The following NOTCH4 variants were observed in gnomAD, a reference collection of about 807,000 sequenced individuals.
The protein encoded by NOTCH4 is notch receptor 4.
Under a neutral mutation model 189.0 loss-of-function variants are expected in NOTCH4, and 138 were observed. That is an observed-to-expected ratio of 0.73 (90% CI 0.64 to 0.84). The LOEUF is 0.84. Among genes scored for constraint, NOTCH4 ranks in the 40% least tolerant of loss-of-function variants. NOTCH4 has a pLI of 0.00. For missense variants in NOTCH4, 2,286 were observed against 2,605.4 expected (o/e 0.88, Z 2.67); for synonymous variants, 942 against 1,032.8 (o/e 0.91, Z 1.69).
intron 28 of NOTCH4, among the ~76,000 whole-genome samples, chr6:32,196,690 C>G (rs371720441): frequency 7.2e-5 from 11 of 152,016 alleles, no homozygotes; most frequent in Non-Finnish European, 1.2e-4. Context: ...TTTCCACAGA[C>G]ACTGTGTTCC....
Position 32,220,398 on chromosome 6 carries a change from C to T in NOTCH4, c.1159+7G>A, listed in dbSNP as rs376526093. On this transcript the variant is annotated splice_region_variant and intron_variant, in intron 6 of 29. Coordinates refer to ENST00000375023, the MANE Select transcript of NOTCH4 (RefSeq NM_004557.4). The stretch of plus-strand genomic sequence containing the variant: ...CTCCCACCTCCTGATACCCTCTACC[C>T]CCATACCTGTGCGTCCAGGTGGGCA... The T allele has an allele frequency of 2.9e-5, 46 of 1,613,758 alleles. No homozygotes were observed. Among genetic ancestry groups the T allele is most frequent in the Non-Finnish European group, 3.7e-5 (44 of 1,179,758 alleles).
Position 32,215,342 on chromosome 6 carries a change from C to G in NOTCH4, c.1905G>C (p.Gln635His), listed in dbSNP as rs544284667. The G allele has an allele frequency of 1.2e-5, 20 of 1,610,898 alleles. No individual in the cohort carries two copies. In the African/African-American group the frequency reaches 1.3e-4, roughly 11 times the overall value. Residue 635 changes from glutamine (Q) to histidine (H), a missense_variant, in exon 12 of 30, where the codon CAG becomes CAC. Coordinates refer to ENST00000375023, the MANE Select transcript of NOTCH4 (RefSeq NM_004557.4). The stretch of plus-strand genomic sequence containing the variant: ...TCTGGTCCTTACATATCTGCTTGGG[C>G]TGGCACAGGTTGGGAGCACACAGGG... Reference protein sequence around the residue: ...EVPLCAPNLCQPKQICKDQKD... With the variant: ...EVPLCAPNLCHPKQICKDQKD...
rs1788332560 is a variant in NOTCH4, at chr6:32,201,249, C to G, written c.4007G>C (p.Arg1336Thr). ...CCCAGGATAGGGGTACACCATGTCC[C>G]TGCCATCACGATCCTTCCTTACCCA... ...GLWVRKDRDG[R>T]DMVYPYPGAR... The change falls in exon 22 of 30, where the codon AGG becomes ACG. Residue 1336 changes from arginine (R) to threonine (T), a missense_variant. By Grantham distance (71) the Arg-to-Thr change is moderately conservative. Coordinates refer to ENST00000375023, the MANE Select transcript of NOTCH4 (RefSeq NM_004557.4). The surrounding 1 kb of genome is among the most constrained non-coding windows in gnomAD (Gnocchi z 5.5). 1.2e-6 allele frequency: 2 copies of G among 1,612,934 alleles called. No homozygotes were observed. Among genetic ancestry groups the G allele is most frequent in the Admixed American group, 3.3e-5 (2 of 60,002 alleles).
intron 18 of NOTCH4, among the ~76,000 whole-genome samples, chr6:32,205,993 C>T (rs1195437150): frequency 6.6e-6 from 1 of 151,754 alleles, no homozygotes; most frequent in African/African-American, 2.4e-5. Context: ...GCTGAGATTG[C>T]ACCACTACAT....
intron 2 of NOTCH4, 29 bp downstream of exon 2, chr6:32,222,976 A>G (rs753797846): frequency 1.3e-6 from 2 of 1,572,540 alleles, no homozygotes; most frequent in Admixed American, 3.6e-5. Context: ...CTTTCTCTCC[A>G]GTCTCCCACT....
intron 12 of NOTCH4, among the ~76,000 whole-genome samples, chr6:32,214,876 T>C (rs1467756703): frequency 6.6e-6 from 1 of 152,200 alleles, no homozygotes; most frequent in African/African-American, 2.4e-5. Flanking sequence ...TCCGCCCACC[T>C]CGGCCTCCCA....
In NOTCH4 at chr6:32,213,761, T is replaced by A; in HGVS notation, c.2247A>T (p.Gly749=). Residue 749 remains glycine (G), a synonymous_variant, in exon 14 of 30, where the codon GGA becomes GGT. Transcript: ENST00000375023. The part of the protein sequence containing the change: ...LNGGSCNPSP[G]GYYCTCPPSH... Reference sequence around the variant, plus strand: ...TTGGAGGGCAGGTGCAGTAGTAGCCTCCAGGGCTAGGGTTGCAGGAGCCGC... The same window carrying A: ...TTGGAGGGCAGGTGCAGTAGTAGCCACCAGGGCTAGGGTTGCAGGAGCCGC... 1 of 1,612,014 alleles carries A rather than the reference T, an allele frequency of 6.2e-7. No homozygotes were observed. Among genetic ancestry groups the A allele is most frequent in the Non-Finnish European group, 8.5e-7 (1 of 1,179,814 alleles).
In NOTCH4 at chr6:32,200,935, TCCCAGGG is replaced by T. The variant is rs766750538; in HGVS notation, c.4204_4210del (p.Pro1402ThrfsTer54). 6.2e-7 allele frequency: 1 copy of T among 1,607,580 alleles called. No individual in the cohort carries two copies. The highest frequency in any genetic ancestry group is 1.3e-5 in the African/African-American group (1 of 74,830). ...AAGGAAGCGGAGTAGAAGCCCAGGG[TCCCAGGG>T]ACAGCGGGATGCCGGGTGGTCAGGG... On this transcript the variant is annotated frameshift_variant, in exon 23 of 30. Transcript: ENST00000375023. LOFTEE classifies it high-confidence loss of function. The surrounding 1 kb of genome is among the most constrained non-coding windows in gnomAD (Gnocchi z 5.0).
intron 18 of NOTCH4, among the ~76,000 whole-genome samples, chr6:32,207,893 A>G (rs1788791151): frequency 6.6e-6 from 1 of 151,402 alleles, no homozygotes; most frequent in Non-Finnish European, 1.5e-5. Flanking sequence ...AATTCCAGCT[A>G]TTTGGGAGGC....
intron 28 of NOTCH4, 131 bp downstream of exon 28, chr6:32,196,794 C>T (rs1307085100): frequency 8.3e-7 from 1 of 1,204,586 alleles, no homozygotes; most frequent in East Asian, 2.3e-5. Context: ...ACTTCCACCG[C>T]ATCTCAGATT....
Position 32,198,413 on chromosome 6 carries a change from TCA to T in NOTCH4, c.4756+6_4756+7del, listed in dbSNP as rs745610750. ...TTTTTTTTTCTTGGTCTGGGTTGACTCACATACCAGGTCCACGGGTGTCCAGG... is the reference window on the plus strand; with the variant it reads ...TTTTTTTTTCTTGGTCTGGGTTGACTCATACCAGGTCCACGGGTGTCCAGG... On this transcript the variant is annotated splice_donor_region_variant and intron_variant, in intron 26 of 29. Coordinates refer to ENST00000375023, the MANE Select transcript of NOTCH4 (RefSeq NM_004557.4). The surrounding 1 kb of genome is among the most constrained non-coding windows in gnomAD (Gnocchi z 5.5). 1 of 1,606,768 alleles carries T rather than the reference TCA, an allele frequency of 6.2e-7. No homozygotes were observed. Among genetic ancestry groups the T allele is most frequent in the East Asian group, 2.2e-5 (1 of 44,832 alleles).
chr6:32,216,275 CT>C (rs1234651853), intron 11 of NOTCH4: 1 of 152,922 alleles, frequency 6.5e-6, no homozygotes, highest in Non-Finnish European at 1.5e-5. Context: ...ATCCACCCGC[CT>C]CGGCCTCCCA....
chr6:32,220,289 AG>A lies in NOTCH4; in HGVS notation c.1160-6del. 4 of 1,610,854 alleles carry A rather than the reference AG, an allele frequency of 2.5e-6. No homozygotes were observed. The highest frequency in any genetic ancestry group is 3.4e-6 in the Non-Finnish European group (4 of 1,177,760). On this transcript the variant is annotated splice_region_variant and splice_polypyrimidine_tract_variant and intron_variant, in intron 6 of 29. Coordinates refer to ENST00000375023, the MANE Select transcript of NOTCH4 (RefSeq NM_004557.4). ...CTTCCAAGTGGCACAGGAGTCCTGG[AG>A]GGGTAAGAGGGGGTGAGGCTCTCAA...
rs755306873 is a variant in NOTCH4 at position 32,214,169 on chromosome 6, C to G, written c.2108G>C (p.Gly703Ala). 2 of 1,613,602 alleles carry G rather than the reference C, an allele frequency of 1.2e-6. No individual in the cohort carries two copies. The highest frequency in any genetic ancestry group is 3.3e-5 in the Admixed American group (2 of 59,980). The change falls in exon 13 of 30, where the codon GGG becomes GCG. Residue 703 changes from glycine to alanine, a missense_variant. By Grantham distance (60) the Gly-to-Ala change is moderately conservative. This residue lies in a region of NOTCH4 where 1,903 missense variants were observed against 2,261.9 expected (regional missense o/e 0.84). Coordinates refer to ENST00000375023, the MANE Select transcript of NOTCH4 (RefSeq NM_004557.4). ...GGCISAPCAH[G>A]GTCYPQPSGY... ...AGAGGGCTGGGGGTAGCAGGTCCCC[C>G]CATGGGCACAGGGTGCAGAGATGCA...
rs1789055408 is a variant in NOTCH4 at position 32,212,061 on chromosome 6, A to AT, written c.2680+412_2680+413insA. Reference sequence around the variant, plus strand: ...CTCTTCTCATATCAAACCTTATTTTAGTGTTCTTTTACAAAGAGGGTGGCG... The same window carrying AT: ...CTCTTCTCATATCAAACCTTATTTTATGTGTTCTTTTACAAAGAGGGTGGCG... On this transcript the variant is annotated intron_variant, in intron 17 of 29. Transcript: ENST00000375023. This position sits in a 1 kb window ranked among gnomAD's most constrained non-coding sequence, Gnocchi z 4.4. Among the ~76,000 whole-genome samples, 1 of 152,108 alleles carries AT rather than the reference A, an allele frequency of 6.6e-6. No individual in the cohort carries two copies. The highest frequency in any genetic ancestry group is 6.5e-5 in the Admixed American group (1 of 15,270).
In NOTCH4 at chr6:32,204,230, C is replaced by T. The variant is rs1017602752; in HGVS notation, c.3025G>A (p.Glu1009Lys). The T allele has an allele frequency of 1.1e-5, 17 of 1,612,884 alleles. No individual in the cohort carries two copies. The African/African-American group carries it at 1.1e-4, about 10-fold the overall frequency. Residue 1009 changes from glutamate to lysine, a missense_variant, in exon 19 of 30, where the codon GAG becomes AAG. By Grantham distance (56) the Glu-to-Lys change is moderately conservative. Coordinates refer to ENST00000375023, the MANE Select transcript of NOTCH4 (RefSeq NM_004557.4). ...GGGTGGCAGGGCTGGTCCAGACACT[C>T]GTCCACGTCTCCCTCACAGCGTAGC... The part of the protein sequence containing the change: ...VGLRCEGDVD[E>K]CLDQPCHPTG...
chr6:32,208,951 C>T (rs1561929936), intron 18 of NOTCH4, among the ~76,000 whole-genome samples: 1 of 152,084 alleles, frequency 6.6e-6, no homozygotes, highest in African/African-American at 2.4e-5. Context: ...ATCTGCATCC[C>T]CATATTTATT....
In NOTCH4 at chr6:32,217,342, AG is replaced by A; in HGVS notation, c.1625-77del. 1.1e-6 allele frequency: 1 copy of A among 921,898 alleles called. No homozygotes were observed. Among genetic ancestry groups the A allele is most frequent in the Non-Finnish European group, 1.7e-6 (1 of 576,658 alleles). 57.1% of individuals were successfully genotyped at this position (921,898 alleles called of 1,614,324 possible). A position where few individuals can be genotyped will look rare whatever the true frequency, so the allele number is the denominator to read the frequency against. On this transcript the variant is annotated intron_variant, in intron 9 of 29. Coordinates refer to ENST00000375023, the MANE Select transcript of NOTCH4 (RefSeq NM_004557.4). This position sits in a 1 kb window ranked among gnomAD's most constrained non-coding sequence, Gnocchi z 4.2. ...GCACAGCATGGCGCCTTCCCTTGCC[AG>A]GAAAGGTGAACTTGCAGAGCTTCCC...
Position 32,199,148 on chromosome 6 carries a change from G to T in NOTCH4, c.4316-3C>A, listed in dbSNP as rs1461456557. ...GGGAAGCTGGTTGGCAGGGGGTGCT[G>T]GTGGGAGAGACAGAGTCACAAAGAG... On this transcript the variant is annotated splice_polypyrimidine_tract_variant and splice_region_variant and intron_variant, in intron 23 of 29. Transcript: ENST00000375023. The surrounding 1 kb of genome is among the most constrained non-coding windows in gnomAD (Gnocchi z 4.9). 1.9e-6 allele frequency: 3 copies of T among 1,575,964 alleles called. No individual in the cohort carries two copies. Among genetic ancestry groups the T allele is most frequent in the Non-Finnish European group, 2.6e-6 (3 of 1,162,382 alleles).
Sources: gnomAD v4.1 joint callset for allele counts (sites outside exome capture counted in the v4.1 genomes callset) on GRCh38, gnomAD v4.1.1 for gene constraint, gnomAD v4.1.1 regional missense constraint, Gnocchi (gnomAD v3.1) non-coding constraint, MANE v1.5 for transcripts, NCBI Gene and HGNC (gene_info 2026-07-23, HGNC 2026-07-21) for gene names.